The following TAOK1 variants were observed in gnomAD, a reference collection of about 807,000 sequenced individuals.
TAOK1 encodes the protein TAO kinase 1.
A neutral mutation model predicts 138.3 loss-of-function variants in TAOK1; 21 were observed. That is an observed-to-expected ratio of 0.15 (90% confidence interval 0.11 to 0.22). The LOEUF (loss-of-function observed/expected upper bound fraction) is 0.22. Among genes scored for constraint, TAOK1 ranks in the 10% least tolerant of loss-of-function variants. The pLI is 1.00. For synonymous variants in TAOK1, 361 were observed against 398.4 expected (o/e 0.91, Z 1.12); for missense variants, 651 against 1,227.7 (o/e 0.53, Z 7.02).
rs1199687224 is a variant in TAOK1, at chr17:29,405,943, A to AT, written c.-95+14926dup. On this transcript the variant is annotated intron_variant, in intron 1 of 19. Transcript: ENST00000261716. ...ATGACACATCTGTATTTATTAATAC[A>AT]TTTTTTTGGTGTGTTATTTTGTAGA... 2.0e-5 allele frequency among the ~76,000 whole-genome samples: 3 copies of AT among 151,900 alleles called. No homozygotes were observed. The East Asian group carries it at 5.8e-4, about 29-fold the overall frequency.
At chr17:29,401,115 A>C (rs118090463) in intron 1 of TAOK1, among the ~76,000 whole-genome samples, 29 of 151,756 alleles carry the variant, frequency 1.9e-4, no homozygotes, top group Admixed American at 1.3e-3. Flanking sequence ...GGGTCTTGCT[A>C]TGTTGCCCAG....
chr17:29,488,119 C>G (rs957884274), intron 8 of TAOK1, among the ~76,000 whole-genome samples: 1 of 152,090 alleles, frequency 6.6e-6, no homozygotes, highest in African/African-American at 2.4e-5. Flanking sequence ...TTCCAGAACC[C>G]CCTCAGATAA....
intron 19 of TAOK1, 152 bp downstream of exon 19, chr17:29,534,452 T>A: frequency 1.5e-6 from 1 of 663,370 alleles, no homozygotes; most frequent in South Asian, 3.5e-5. Flanking sequence ...GATTTTTCTT[T>A]AAAATTACTG....
intron 17 of TAOK1, among the ~76,000 whole-genome samples, chr17:29,525,381 GATTAC>G (rs1000050318): frequency 4.6e-5 from 7 of 152,110 alleles, no homozygotes; most frequent in African/African-American, 1.4e-4. Context: ...AAAGTGCTGG[GATTAC>G]AGGCATGAGC....
Position 29,417,886 on chromosome 17 carries a change from T to TTC in TAOK1, c.-95+26870_-95+26871dup, listed in dbSNP as rs529046876. 8.5e-5 allele frequency among the ~76,000 whole-genome samples: 13 copies of TTC among 152,218 alleles called. 1 individual carries two copies. In the South Asian group the frequency reaches 2.7e-3, roughly 32 times the overall value. On this transcript the variant is annotated intron_variant, in intron 1 of 19. Coordinates refer to ENST00000261716, the MANE Select transcript of TAOK1 (RefSeq NM_020791.4). Reference sequence around the variant, plus strand: ...AACTCTAGTTCTTTGATTCTCTCTCTTCTCTCTCTTTCTTTTTCTTTCACA... The same window carrying TTC: ...AACTCTAGTTCTTTGATTCTCTCTCTTCTCTCTCTCTTTCTTTTTCTTTCACA...
At chr17:29,451,750 A>G (rs1342914375) in intron 2 of TAOK1, 70 bp downstream of exon 2, 1 of 1,526,510 alleles carries the variant, frequency 6.6e-7, no homozygotes, top group Non-Finnish European at 8.8e-7. Context: ...AGCAAAATAT[A>G]GTAATGAAAA....
chr17:29,454,604 A>G, intron 2 of TAOK1, among the ~76,000 whole-genome samples: 1 of 152,120 alleles, frequency 6.6e-6, no homozygotes, highest in East Asian at 1.9e-4. Context: ...GTCTTTCTAA[A>G]CATTTATTTA....
rs186477414 is a variant in TAOK1 at position 29,420,882 on chromosome 17, G to A, written c.-95+29858G>A. Among the ~76,000 whole-genome samples the A allele has an allele frequency of 2.0e-4, 31 of 151,968 alleles. No individual in the cohort carries two copies. In the East Asian group the frequency reaches 5.2e-3, roughly 26 times the overall value. On this transcript the variant is annotated intron_variant, in intron 1 of 19. Transcript: ENST00000261716. ...CAGGTGTGAGCCACCGCGCCCAGCC[G>A]GAAAATACTTAATCTTTTATCATTG...
At chr17:29,533,816 C>CAGAGGGAGACCATGGAAAGAGAGGG (rs2032173767) in intron 18 of TAOK1, among the ~76,000 whole-genome samples, 2 of 54,132 alleles carry the variant, frequency 3.7e-5, no homozygotes, top group Non-Finnish European at 3.5e-5. Context: ...GGCTCGGCAT[C>CAGAGGGAGACCATGGAAAGAGAGGG]AGAGGGAGAC....
chr17:29,495,749 C>A, intron 11 of TAOK1, 22 bp downstream of exon 11: 1 of 1,545,210 alleles, frequency 6.5e-7, no homozygotes, highest in South Asian at 1.3e-5. Context: ...AAAAATGACT[C>A]CAATATTGAA....
At chr17:29,495,125 A>G (rs902413248) in intron 10 of TAOK1, among the ~76,000 whole-genome samples, 2 of 152,188 alleles carry the variant, frequency 1.3e-5, no homozygotes, top group Admixed American at 6.5e-5. Flanking sequence ...CACGCAGCAT[A>G]TAAAGGAACC....
chr17:29,425,874 GTTTGT>G (rs551071172), intron 1 of TAOK1, among the ~76,000 whole-genome samples: 9 of 151,644 alleles, frequency 5.9e-5, no homozygotes, highest in East Asian at 1.9e-4. Flanking sequence ...GGTTTTTTTT[GTTTGT>G]TTTGTTTTGT....
intron 1 of TAOK1, among the ~76,000 whole-genome samples, chr17:29,393,384 A>G (rs1334879633): frequency 6.6e-6 from 1 of 152,206 alleles, no homozygotes; most frequent in East Asian, 1.9e-4. Flanking sequence ...AACTGAAAAA[A>G]AAACAACTCT....
chr17:29,491,394 A>T (rs1261107089), intron 9 of TAOK1, among the ~76,000 whole-genome samples: 1 of 152,160 alleles, frequency 6.6e-6, no homozygotes, highest in Non-Finnish European at 1.5e-5. Flanking sequence ...ATAGAAGAAG[A>T]TCCAAGGGGC....
At chr17:29,424,444 A>AC (rs1905568700) in intron 1 of TAOK1, among the ~76,000 whole-genome samples, 1 of 147,722 alleles carries the variant, frequency 6.8e-6, no homozygotes, top group African/African-American at 2.4e-5. Flanking sequence ...CTCAAAAAAA[A>AC]AAAAAAAAAA....
intron 1 of TAOK1, among the ~76,000 whole-genome samples, chr17:29,413,251 T>A (rs1397515904): frequency 6.6e-6 from 1 of 152,160 alleles, no homozygotes; most frequent in Non-Finnish European, 1.5e-5. Flanking sequence ...AATATTTCCA[T>A]CCCAAATAGC....
At position 29,495,531 on chromosome 17, in the gene TAOK1, A is replaced by G. The variant is rs201896036; in HGVS notation, c.832-29A>G. 1.8e-5 allele frequency: 27 copies of G among 1,520,246 alleles called. No individual in the cohort carries two copies. The Admixed American group carries it at 5.2e-4, about 29-fold the overall frequency. The allele number at this position is 1,520,246 out of a possible 1,614,324, so 94.2% of individuals were successfully genotyped here. A position where few individuals can be genotyped will look rare whatever the true frequency, so the allele number is the denominator to read the frequency against. On this transcript the variant is annotated intron_variant, in intron 10 of 19. Coordinates refer to ENST00000261716, the MANE Select transcript of TAOK1 (RefSeq NM_020791.4). ...TACCTTGTCACTAATTGAAAAAAAA[A>G]TCAACCTTTTACCTTCTACCCTATC...
At chr17:29,508,202 G>A (rs2031660422) in intron 14 of TAOK1, 70 bp downstream of exon 14, 1 of 1,341,664 alleles carries the variant, frequency 7.5e-7, no homozygotes, top group Non-Finnish European at 1.1e-6. Context: ...CAACATGGCA[G>A]TTTGATGTTA....
chr17:29,472,651 G>A (rs1171435583), intron 3 of TAOK1, among the ~76,000 whole-genome samples: 5 of 146,746 alleles, frequency 3.4e-5, no homozygotes, highest in Non-Finnish European at 5.9e-5. Flanking sequence ...TCGGCTCACC[G>A]CAACCTCCGC....
Sources: allele counts gnomAD v4.1 joint callset (sites outside exome capture counted in the v4.1 genomes callset), GRCh38; gene constraint gnomAD v4.1.1; transcripts MANE v1.5; gene names NCBI Gene and HGNC (gene_info 2026-07-23, HGNC 2026-07-21).